The following HKDC1 variants were observed in gnomAD, a reference collection of about 807,000 sequenced individuals.
The protein encoded by HKDC1 is hexokinase domain containing 1.
A neutral mutation model predicts 96.6 loss-of-function variants in HKDC1; 66 were observed. The observed-to-expected ratio is 0.68, with a 90% CI of 0.56 to 0.84. The LOEUF (loss-of-function observed/expected upper bound fraction) is 0.84, where lower values mean the gene tolerates loss of function less well. Among genes scored for constraint, HKDC1 ranks in the 40% least tolerant of loss-of-function variants. HKDC1 has a pLI of 0.00. For missense variants in HKDC1, 1,211 were observed against 1,208.1 expected (o/e 1.00, Z -0.04); for synonymous variants, 466 against 473.1 (o/e 0.98, Z 0.20).
At chr10:69,253,065 G>A (rs926328097) in intron 12 of HKDC1, among the ~76,000 whole-genome samples, 1 of 151,718 alleles carries the variant, frequency 6.6e-6, no homozygotes, top group Non-Finnish European at 1.5e-5. Flanking sequence ...TATGTGTAAT[G>A]AATAAAGATT....
intron 7 of HKDC1, 23 bp downstream of exon 7, chr10:69,243,388 C>A (rs1310077399): frequency 6.5e-7 from 1 of 1,539,968 alleles, no homozygotes; most frequent in Non-Finnish European, 8.8e-7. Context: ...CTGGTGTTAT[C>A]TGGGCATCGG....
Position 69,257,564 on chromosome 10 carries a change from T to G in HKDC1, c.2032+138T>G, listed in dbSNP as rs999432684. On this transcript the variant is annotated intron_variant, in intron 14 of 17. Transcript: ENST00000354624. ...GCAGAGATGAAGTTACAATTGGGAT[T>G]CCAGGTCACCAAGTTCTTTCTGCAT... The G allele has an allele frequency of 5.6e-6, 4 of 718,688 alleles. No individual in the cohort carries two copies. In the Admixed American group the frequency reaches 7.4e-5, roughly 13 times the overall value. The allele number at this position is 718,688 out of a possible 1,614,324, so 44.5% of individuals were successfully genotyped here. A position where few individuals can be genotyped will look rare whatever the true frequency, so the allele number is the denominator to read the frequency against.
At chr10:69,248,970 T>C (rs1438773451) in intron 10 of HKDC1, 8 of 494,160 alleles carry the variant, frequency 1.6e-5, no homozygotes, top group South Asian at 3.1e-5. Context: ...GTTATGTGTG[T>C]GCACTTATGT....
At chr10:69,238,882 A>G (rs1472523746) in intron 4 of HKDC1, among the ~76,000 whole-genome samples, 160 bp from the exon 5 acceptor site, 1 of 152,228 alleles carries the variant, frequency 6.6e-6, no homozygotes, top group African/African-American at 2.4e-5. Context: ...CCTTTAAATT[A>G]TTAGAAAAGG....
intron 16 of HKDC1, among the ~76,000 whole-genome samples, chr10:69,263,256 A>G (rs534172049): frequency 2.0e-5 from 3 of 151,838 alleles, no homozygotes; most frequent in Admixed American, 1.3e-4. Flanking sequence ...ACACCACCAC[A>G]CCTAGCTAAT....
Position 69,227,229 on chromosome 10 carries a change from T to C in HKDC1, c.86T>C (p.Met29Thr), listed in dbSNP as rs1843173396. ...IKKVDRFLYHMRLSDDTLLDI... is the reference protein window; with the variant it reads ...IKKVDRFLYHTRLSDDTLLDI... Reference sequence around the variant, plus strand: ...CAGGTGGACAGGTTCCTGTATCACATGCGGCTCTCCGATGACACCCTTTTG... The same window carrying C: ...CAGGTGGACAGGTTCCTGTATCACACGCGGCTCTCCGATGACACCCTTTTG... The change falls in exon 2 of 18, where the codon ATG becomes ACG. Residue 29 changes from methionine to threonine, a missense_variant. Met to Thr is a moderately conservative substitution (Grantham distance 81, BLOSUM62 -1). Transcript: ENST00000354624. 4 of 1,614,104 alleles carry C rather than the reference T, an allele frequency of 2.5e-6. No homozygotes were observed. Among genetic ancestry groups the C allele is most frequent in the Non-Finnish European group, 3.4e-6 (4 of 1,180,006 alleles).
At chr10:69,249,119 A>C (rs1226522455) in intron 10 of HKDC1, among the ~76,000 whole-genome samples, 2 of 151,684 alleles carry the variant, frequency 1.3e-5, no homozygotes, top group African/African-American at 2.4e-5. Flanking sequence ...AGCTTGGCTC[A>C]CTTCCCTTTC....
intron 12 of HKDC1, among the ~76,000 whole-genome samples, chr10:69,254,847 A>G (rs1342356227): frequency 2.0e-5 from 3 of 152,254 alleles, no homozygotes. Context: ...AAATGGTGGG[A>G]AAAAGAAAAA....
In HKDC1 at chr10:69,243,348, C is replaced by T. The variant is rs138350641; in HGVS notation, c.858C>T (p.Leu286=). 1.6e-5 allele frequency: 25 copies of T among 1,592,376 alleles called. No homozygotes were observed. The African/African-American group carries it at 3.0e-4, about 19-fold the overall frequency. The change falls in exon 7 of 18, where the codon CTC becomes CTT. Residue 286 remains leucine, a synonymous_variant. Coordinates refer to ENST00000354624, the MANE Select transcript of HKDC1 (RefSeq NM_025130.4). ...ACAGGGAGCTGGACCTCGGCTCTCT[C>T]AACCCAGGAAAGCAACTGTGAGTTC... ...EFDRELDLGS[L]NPGKQLFEKM...
intron 8 of HKDC1, among the ~76,000 whole-genome samples, chr10:69,246,470 G>A (rs536275766): frequency 2.0e-5 from 3 of 152,358 alleles, no homozygotes; most frequent in Non-Finnish European, 2.9e-5. Context: ...CTCTTCCCAT[G>A]TTCTGTTGCC....
intron 6 of HKDC1, among the ~76,000 whole-genome samples, chr10:69,242,719 T>A (rs984214271): frequency 6.6e-6 from 1 of 152,162 alleles, no homozygotes; most frequent in East Asian, 1.9e-4. Context: ...CAGTCTAAGA[T>A]AAGGATGCAG....
At chr10:69,239,210 G>A (rs1843414642) in intron 5 of HKDC1, 73 bp downstream of exon 5, 3 of 1,105,780 alleles carry the variant, frequency 2.7e-6, no homozygotes, top group Non-Finnish European at 4.1e-6. Flanking sequence ...GGGGCTGGGG[G>A]TGAGGTGAGG....
rs918730026 is a variant in HKDC1 at position 69,242,160 on chromosome 10, G to T, written c.692-1022G>T. Among the ~76,000 whole-genome samples the T allele has an allele frequency of 3.9e-5, 6 of 152,272 alleles. No homozygotes were observed. The East Asian group carries it at 9.7e-4, about 24-fold the overall frequency. On this transcript the variant is annotated intron_variant, in intron 6 of 17. Transcript: ENST00000354624. The stretch of plus-strand genomic sequence containing the variant: ...CCCTCCTCAGCCTGGCTTTCCCAAA[G>T]GGCAGGTTTTTAAACCTGAGGGGCT...
At position 69,246,172 on chromosome 10, in the gene HKDC1, G is replaced by C; in HGVS notation, c.969G>C (p.Glu323Asp). ...AGGCTGGCCTCCTGTTTGGTGGTGA[G>C]AAATCTTCTGCTCTCCACACTAAGG... ...MAKAGLLFGG[E>D]KSSALHTKGK... is the part of the protein sequence containing the mutation. The change falls in exon 8 of 18, where the codon GAG becomes GAC. Residue 323 changes from glutamate to aspartate, a missense_variant. By Grantham distance (45) the Glu-to-Asp change is conservative (BLOSUM62 2). Coordinates refer to ENST00000354624, the MANE Select transcript of HKDC1 (RefSeq NM_025130.4). 1.2e-6 allele frequency: 2 copies of C among 1,614,260 alleles called. No individual in the cohort carries two copies. The highest frequency in any genetic ancestry group is 2.7e-5 in the African/African-American group (2 of 75,072).
chr10:69,258,950 G>A lies in HKDC1; in HGVS notation c.2207G>A (p.Gly736Asp). ...TEVDEGSLNP[G>D]KQRYEKMTSG... ...GTGGATGAGGGGTCCTTGAATCCTG[G>A]CAAGCAGAGGTGAAGAGGGTGGATG... is the stretch of plus-strand genomic sequence containing the variant. The change falls in exon 15 of 18, where the codon GGC becomes GAC. Residue 736 changes from glycine to aspartate, a missense_variant. Transcript: ENST00000354624. The A allele has an allele frequency of 6.3e-7, 1 of 1,577,056 alleles. No individual in the cohort carries two copies. The highest frequency in any genetic ancestry group is 8.6e-7 in the Non-Finnish European group (1 of 1,163,104).
chr10:69,247,699 C>G, intron 9 of HKDC1, 106 bp downstream of exon 9: 1 of 804,174 alleles, frequency 1.2e-6, no homozygotes, highest in South Asian at 1.7e-5. Flanking sequence ...ACCAACAACC[C>G]CTCTTGTTGG....
chr10:69,220,432 G>A lies in HKDC1; in HGVS notation c.-4G>A, dbSNP rs1466281386. The stretch of plus-strand genomic sequence containing the variant: ...CATCTCAGGAGAAACCAAACTTGGG[G>A]AAAATGTTTGCGGTCCACTTGATGG... On this transcript the variant is annotated 5_prime_UTR_variant, in exon 1 of 18. Coordinates refer to ENST00000354624, the MANE Select transcript of HKDC1 (RefSeq NM_025130.4). 6.3e-7 allele frequency: 1 copy of A among 1,598,862 alleles called. No individual in the cohort carries two copies. The highest frequency in any genetic ancestry group is 1.1e-5 in the South Asian group (1 of 88,480).
At position 69,230,110 on chromosome 10, in the gene HKDC1, C is replaced by T. The variant is rs188077254; in HGVS notation, c.227-2654C>T. On this transcript the variant is annotated intron_variant, in intron 2 of 17. Coordinates refer to ENST00000354624, the MANE Select transcript of HKDC1 (RefSeq NM_025130.4). ...TCTGCGAGGGAGTCACCTGTTTGAG[C>T]CTTAGTTACCACCCAGCCTTTTGGT... 2.3e-3 allele frequency among the ~76,000 whole-genome samples: 345 copies of T among 152,296 alleles called. 3 individuals are homozygous for T. The highest frequency in any genetic ancestry group is 5.7e-4 in the Non-Finnish European group (39 of 68,028).
intron 2 of HKDC1, among the ~76,000 whole-genome samples, chr10:69,230,597 G>A (rs892942741): frequency 2.6e-5 from 4 of 152,118 alleles, no homozygotes; most frequent in Admixed American, 1.3e-4. Context: ...AATTTACCCC[G>A]CTTAGGACAC....
Sources: allele counts gnomAD v4.1 joint callset (sites outside exome capture counted in the v4.1 genomes callset), GRCh38; gene constraint gnomAD v4.1.1; transcripts MANE v1.5; gene names NCBI Gene and HGNC (gene_info 2026-07-23, HGNC 2026-07-21).